Variants in MYO3B observed in about 807,000 individuals in gnomAD.
MYO3B encodes the protein myosin-IIIb.
A neutral mutation model predicts 174.6 loss-of-function variants in MYO3B; 156 were observed. The observed-to-expected ratio is 0.89, with a 90% CI of 0.78 to 1.02. The LOEUF (loss-of-function observed/expected upper bound fraction) is 1.02. MYO3B is among the 50% of genes least tolerant of loss of function. MYO3B has a pLI of 0.00. For missense variants in MYO3B, 1,632 were observed against 1,639.4 expected (o/e 1.00, Z 0.08); for synonymous variants, 563 against 569.1 (o/e 0.99, Z 0.15).
chr2:170,614,330 T>A (rs1695311661), intron 32 of MYO3B, among the ~76,000 whole-genome samples: 1 of 152,210 alleles, frequency 6.6e-6, no homozygotes, highest in Non-Finnish European at 1.5e-5. Context: ...AGCACACTAC[T>A]CAACACATAG....
At chr2:170,265,203 G>A (rs1314911139) in intron 7 of MYO3B, among the ~76,000 whole-genome samples, 1 of 152,176 alleles carries the variant, frequency 6.6e-6, no homozygotes, top group Non-Finnish European at 1.5e-5. Flanking sequence ...GTTGGAGACA[G>A]ACTTTTAAAG....
intron 22 of MYO3B, among the ~76,000 whole-genome samples, chr2:170,413,141 T>A (rs2094556522): frequency 6.6e-6 from 1 of 152,150 alleles, no homozygotes; most frequent in Admixed American, 6.5e-5. Flanking sequence ...ATAACAACTA[T>A]ATCCATACAA....
At chr2:170,309,555 A>T (rs2093724029) in intron 7 of MYO3B, among the ~76,000 whole-genome samples, 1 of 152,118 alleles carries the variant, frequency 6.6e-6, no homozygotes, top group East Asian at 1.9e-4. Context: ...TGGTATTTAC[A>T]CTTCATGAGG....
chr2:170,302,057 G>A (rs2093669324), intron 7 of MYO3B, among the ~76,000 whole-genome samples: 2 of 151,908 alleles, frequency 1.3e-5, no homozygotes, highest in Admixed American at 6.6e-5. Flanking sequence ...GTGGGAGCAG[G>A]CATAAGCACG....
chr2:170,566,626 C>T (rs1317835918), intron 32 of MYO3B, among the ~76,000 whole-genome samples: 1 of 151,928 alleles, frequency 6.6e-6, no homozygotes, highest in Non-Finnish European at 1.5e-5. Flanking sequence ...ACTGATATCC[C>T]CACTAAGTTT....
At chr2:170,565,185 G>A (rs79837710) in intron 32 of MYO3B, among the ~76,000 whole-genome samples, 2,657 of 152,260 alleles carry the variant, frequency 0.017, 68 homozygotes, top group East Asian at 0.088. Flanking sequence ...TAGTACATGG[G>A]CTGTCAAGAA....
At chr2:170,202,603 T>C (rs2092674058) in intron 3 of MYO3B, among the ~76,000 whole-genome samples, 1 of 152,214 alleles carries the variant, frequency 6.6e-6, no homozygotes, top group East Asian at 1.9e-4. Flanking sequence ...TCTTTCACCA[T>C]GTGCAGCTGC....
intron 18 of MYO3B, 105 bp downstream of exon 18, chr2:170,401,796 C>CTTTTT (rs1268110549): frequency 3.1e-5 from 25 of 794,346 alleles, no homozygotes; most frequent in African/African-American, 2.2e-4. Context: ...GATTTTCTTT[C>CTTTTT]TTTTTCTTTT....
Position 170,632,992 on chromosome 2 carries a change from C to A in MYO3B, c.3734-18636C>A, listed in dbSNP as rs1204387332. On this transcript the variant is annotated intron_variant, in intron 32 of 34. Coordinates refer to ENST00000408978, the MANE Select transcript of MYO3B (RefSeq NM_138995.5). ...AGGCAATAACTAACAGCCTACCAACCAAAAAAAGTCCAGGGTCAGACAGAT... is the reference window on the plus strand; with the variant it reads ...AGGCAATAACTAACAGCCTACCAACAAAAAAAAGTCCAGGGTCAGACAGAT... Among the ~76,000 whole-genome samples the A allele has an allele frequency of 2.0e-5, 3 of 151,996 alleles. No homozygotes were observed. In the South Asian group the frequency reaches 6.2e-4, roughly 32 times the overall value.
intron 9 of MYO3B, among the ~76,000 whole-genome samples, chr2:170,372,080 C>G (rs1029179318): frequency 1.9e-4 from 25 of 129,078 alleles, no homozygotes; most frequent in Admixed American, 1.6e-3. Context: ...GATTGCACCA[C>G]TGCATTCCAG....
chr2:170,388,495 C>T (rs1026722356), intron 14 of MYO3B, among the ~76,000 whole-genome samples: 3 of 152,060 alleles, frequency 2.0e-5, no homozygotes, highest in African/African-American at 7.2e-5. Flanking sequence ...AGACTGAGAC[C>T]AAATCATGCA....
chr2:170,455,338 C>A (rs763106814), intron 23 of MYO3B, among the ~76,000 whole-genome samples: 5 of 152,276 alleles, frequency 3.3e-5, no homozygotes, highest in South Asian at 2.1e-4. Flanking sequence ...AAGATGGAGT[C>A]ATCAGATCTC....
At chr2:170,461,541 C>T (rs1411317703) in intron 23 of MYO3B, among the ~76,000 whole-genome samples, 2 of 151,120 alleles carry the variant, frequency 1.3e-5, no homozygotes, top group East Asian at 1.9e-4. Context: ...TTTGGGAGGC[C>T]GAGGCAGGCA....
intron 32 of MYO3B, among the ~76,000 whole-genome samples, chr2:170,570,259 AGGAAAT>A (rs1337159902): frequency 1.3e-5 from 2 of 152,236 alleles, no homozygotes; most frequent in Non-Finnish European, 2.9e-5. Context: ...AGACTAAGTA[AGGAAAT>A]GATGTTTAGA....
chr2:170,308,564 G>A (rs755115740), intron 7 of MYO3B, among the ~76,000 whole-genome samples: 17 of 152,056 alleles, frequency 1.1e-4, no homozygotes, highest in Admixed American at 8.5e-4. Flanking sequence ...TACTATCTGA[G>A]GCATACTCTG....
At chr2:170,498,242 G>A in intron 25 of MYO3B, among the ~76,000 whole-genome samples, 2 of 152,094 alleles carry the variant, frequency 1.3e-5, no homozygotes, top group Non-Finnish European at 2.9e-5. Flanking sequence ...TTTTATAGTA[G>A]TAATACTAAT....
chr2:170,458,222 A>G (rs1483250298), intron 23 of MYO3B, among the ~76,000 whole-genome samples: 1 of 152,248 alleles, frequency 6.6e-6, no homozygotes, highest in Non-Finnish European at 1.5e-5. Context: ...AATGAAGTGC[A>G]CTATGACATT....
intron 30 of MYO3B, among the ~76,000 whole-genome samples, chr2:170,528,669 G>A (rs1689151010): frequency 6.6e-6 from 1 of 152,196 alleles, no homozygotes; most frequent in Non-Finnish European, 1.5e-5. Flanking sequence ...GCTTCCCAAA[G>A]TGCTGAGATT....
chr2:170,516,918 C>T (rs1688348387), intron 29 of MYO3B, among the ~76,000 whole-genome samples: 1 of 152,070 alleles, frequency 6.6e-6, no homozygotes, highest in South Asian at 2.1e-4. Context: ...TTTAACTCAA[C>T]CTATTCATAC....
Sources: gnomAD v4.1 joint callset for allele counts (sites outside exome capture counted in the v4.1 genomes callset) on GRCh38, gnomAD v4.1.1 for gene constraint, MANE v1.5 for transcripts, NCBI Gene and HGNC (gene_info 2026-07-23, HGNC 2026-07-21) for gene names.